TMEM222: variants seen among roughly 807,000 people sequenced by gnomAD.
TMEM222 encodes the protein transmembrane protein 222.
In TMEM222, 18 loss-of-function variants were observed where a neutral mutation model predicts 25.1. The observed-to-expected ratio is 0.72, with a 90% CI of 0.50 to 1.06. The LOEUF (loss-of-function observed/expected upper bound fraction) is 1.06. TMEM222 is among the 50% of genes least tolerant of loss of function. The probability of loss-of-function intolerance (pLI) is 0.00; values close to 1 mark genes in which losing one functional copy is unlikely to be tolerated. For synonymous variants in TMEM222, 131 were observed against 117.9 expected, an observed-to-expected ratio of 1.11 and a Z score of -0.72; for missense variants, 296 against 293.7, an observed-to-expected ratio of 1.01 and a Z score of -0.06.
chr1:27,322,346 G>A lies in TMEM222; in HGVS notation c.149G>A (p.Ser50Asn), dbSNP rs1319852575. The A allele has an allele frequency of 1.3e-6, 2 of 1,531,746 alleles. No individual in the cohort carries two copies. The allele number at this position is 1,531,746 out of a possible 1,614,324, so 94.9% of individuals were successfully genotyped here. A position where few individuals can be genotyped will look rare whatever the true frequency, so the allele number is the denominator to read the frequency against. Reference sequence around the variant, plus strand: ...GGCGTCGCCATGGATGTGGAACGGAGTCGCTTCCCCTACTGCGTGGTGTGG... The same window carrying A: ...GGCGTCGCCATGGATGTGGAACGGAATCGCTTCCCCTACTGCGTGGTGTGG... ...SGGVAMDVER[S>N]RFPYCVVWTP... Residue 50 changes from serine (S) to asparagine (N), a missense_variant, in exon 1 of 6, where the codon AGT (serine) becomes AAT (asparagine). Transcript: ENST00000374076.
intron 1 of TMEM222, among the ~76,000 whole-genome samples, chr1:27,323,295 C>G (rs1246730773): frequency 6.6e-6 from 1 of 152,226 alleles, no homozygotes; most frequent in African/African-American, 2.4e-5. Flanking sequence ...ATCTTATCCA[C>G]TCTCACCTGA....
At chr1:27,332,596 C>A in intron 3 of TMEM222, 2 of 703,346 alleles carry the variant, frequency 2.8e-6, no homozygotes, top group South Asian at 1.5e-5. Flanking sequence ...GACATTTGGT[C>A]TTCATCTTTG....
chr1:27,331,203 G>T (rs1215950785), intron 2 of TMEM222: 26 of 1,075,420 alleles, frequency 2.4e-5, no homozygotes, highest in Non-Finnish European at 2.6e-5. Flanking sequence ...ATGGAGAAGA[G>T]GGGGTGGGGC....
chr1:27,326,818 C>T (rs1251950256), intron 1 of TMEM222, among the ~76,000 whole-genome samples: 2 of 152,032 alleles, frequency 1.3e-5, no homozygotes, highest in African/African-American at 4.8e-5. Context: ...GTACTAGGTC[C>T]TGAATAGAAG....
At chr1:27,333,231 A>C in intron 3 of TMEM222, 2 of 433,034 alleles carry the variant, frequency 4.6e-6, no homozygotes, top group Non-Finnish European at 9.6e-6. Flanking sequence ...AGGAGGGCTC[A>C]GTCACTTCAG....
chr1:27,331,096 G>A, intron 2 of TMEM222: 2 of 1,299,614 alleles, frequency 1.5e-6, no homozygotes, highest in East Asian at 7.1e-5. Flanking sequence ...CAAGAGTGGA[G>A]AGTCAGACCA....
At chr1:27,325,370 C>T (rs1487825029) in intron 1 of TMEM222, 10 of 938,594 alleles carry the variant, frequency 1.1e-5, no homozygotes, top group Non-Finnish European at 1.7e-5. Context: ...CCACATCCTC[C>T]TCCCTGGAGA....
At chr1:27,327,170 C>G (rs978301193) in intron 1 of TMEM222, among the ~76,000 whole-genome samples, 1 of 152,088 alleles carries the variant, frequency 6.6e-6, no homozygotes, top group African/African-American at 2.4e-5. Context: ...CTCGAGATGA[C>G]AACATTGAGC....
intron 1 of TMEM222, chr1:27,325,458 C>A: frequency 7.4e-7 from 1 of 1,345,020 alleles, no homozygotes; most frequent in Non-Finnish European, 1.1e-6. Context: ...GCTGTTCCAG[C>A]CTTCCTTCCT....
intron 5 of TMEM222, chr1:27,335,152 A>G (rs1162051889): frequency 6.9e-6 from 4 of 580,060 alleles, no homozygotes; most frequent in Non-Finnish European, 1.2e-5. Flanking sequence ...TCAGTAAATC[A>G]CCAGGAGCGC....
At chr1:27,331,051 C>T (rs2014467008) in intron 2 of TMEM222, 1 of 1,405,046 alleles carries the variant, frequency 7.1e-7, no homozygotes, top group Non-Finnish European at 9.3e-7. Context: ...TTGCCCCCAC[C>T]CCTGGGGTAC....
intron 1 of TMEM222, chr1:27,325,536 C>T (rs943314815): frequency 1.1e-5 from 15 of 1,416,206 alleles, no homozygotes; most frequent in Admixed American, 8.4e-5. Flanking sequence ...CGTAGACATC[C>T]GCAAAGACCT....
In TMEM222 at chr1:27,335,687, CTG is replaced by C. The variant is rs1571016175; in HGVS notation, c.*224_*225del. 1 of 585,172 alleles carries C rather than the reference CTG, an allele frequency of 1.7e-6. No homozygotes were observed. The highest frequency in any genetic ancestry group is 2.8e-5 in the East Asian group (1 of 35,194). The allele number at this position is 585,172 out of a possible 1,614,324, so 36.2% of individuals were successfully genotyped here. On this transcript the variant is annotated 3_prime_UTR_variant, in exon 6 of 6. Transcript: ENST00000374076. ...GCACCCTGTCCCCTCCTCCCCAGGC[CTG>C]TGACTCCGGCCCTGGAAGCCCCTTT...
Position 27,336,117 on chromosome 1 carries a change from AG to A in TMEM222, c.*653del, listed in dbSNP as rs2014601430. Reference sequence around the variant, plus strand: ...CTCCCCCTGCAGTTTGAGGCCAGAGAGGTGAGTGGACCTGACAAGTGCCAGA... The same window carrying A: ...CTCCCCCTGCAGTTTGAGGCCAGAGAGTGAGTGGACCTGACAAGTGCCAGA... On this transcript the variant is annotated 3_prime_UTR_variant, in exon 6 of 6. Transcript: ENST00000374076. 6.5e-6 allele frequency: 1 copy of A among 154,716 alleles called. No individual in the cohort carries two copies. The highest frequency in any genetic ancestry group is 1.4e-5 in the Non-Finnish European group (1 of 69,810). 9.6% of individuals were successfully genotyped at this position (154,716 alleles called of 1,614,324 possible).
intron 1 of TMEM222, among the ~76,000 whole-genome samples, chr1:27,328,689 A>G (rs1218725208): frequency 3.3e-5 from 5 of 152,204 alleles, no homozygotes; most frequent in Non-Finnish European, 7.3e-5. Flanking sequence ...TTCCAGGCAC[A>G]TGTACCACTT....
Position 27,335,086 on chromosome 1 carries a change from G to A in TMEM222, c.540-293G>A, listed in dbSNP as rs186359513. 395 of 486,126 alleles carry A rather than the reference G, an allele frequency of 8.1e-4. 6 individuals carry two copies. The highest frequency in any genetic ancestry group is 6.9e-3 in the South Asian group (288 of 41,762). 30.1% of individuals were successfully genotyped at this position (486,126 alleles called of 1,614,324 possible). A position where few individuals can be genotyped will look rare whatever the true frequency, so the allele number is the denominator to read the frequency against. On this transcript the variant is annotated intron_variant, in intron 5 of 5. Coordinates refer to ENST00000374076, the MANE Select transcript of TMEM222 (RefSeq NM_032125.3). ...CCCTAGAGGTAGGTGGCTATAGATG[G>A]AGCCAGTGAGGCCTAGAAATGGGGA...
Position 27,334,472 on chromosome 1 carries a change from G to C in TMEM222, c.539+191G>C, listed in dbSNP as rs894057489. ...AGGGAGGTGGCTGTGCTGAAGTCCA[G>C]CTCCACCTGGGCCCCAAATGCAGCT... On this transcript the variant is annotated intron_variant, in intron 5 of 5. Transcript: ENST00000374076. 13 of 1,265,022 alleles carry C rather than the reference G, an allele frequency of 1.0e-5. No individual in the cohort carries two copies. In the Admixed American group the frequency reaches 3.7e-4, roughly 36 times the overall value. The allele number at this position is 1,265,022 out of a possible 1,614,324, so 78.4% of individuals were successfully genotyped here.
intron 1 of TMEM222, among the ~76,000 whole-genome samples, chr1:27,324,190 G>A (rs1347938229): frequency 3.3e-5 from 5 of 152,180 alleles, no homozygotes; most frequent in Admixed American, 2.0e-4. Context: ...CCGGGGTGGT[G>A]GCACATGCCT....
At chr1:27,325,380 A>G (rs2014315772) in intron 1 of TMEM222, 1 of 987,114 alleles carries the variant, frequency 1.0e-6, no homozygotes, top group African/African-American at 1.6e-5. Context: ...CTCCCTGGAG[A>G]AGAGCTACAA....
Sources: allele counts gnomAD v4.1 joint callset (sites outside exome capture counted in the v4.1 genomes callset), GRCh38; gene constraint gnomAD v4.1.1; transcripts MANE v1.5; gene names NCBI Gene and HGNC (gene_info 2026-07-23, HGNC 2026-07-21).